Variants in CCDC69 observed in about 807,000 individuals in gnomAD.
CCDC69 encodes coiled-coil domain containing 69.
Under a neutral mutation model 40.3 loss-of-function variants are expected in CCDC69, and 38 were observed. The ratio of observed to expected loss-of-function variants is 0.94; its 90% CI spans 0.73 to 1.24. CCDC69 has a LOEUF of 1.24. Ranked by LOEUF, CCDC69 falls within the 50% of genes most tolerant of loss-of-function variation. CCDC69 has a pLI of 0.00. For missense variants in CCDC69, 389 were observed against 357.9 expected, an observed-to-expected ratio of 1.09 and a Z score of -0.70; for synonymous variants, 141 against 138.9, an observed-to-expected ratio of 1.02 and a Z score of -0.11.
At chr5:151,207,173 A>C (rs1299686287) in intron 1 of CCDC69, among the ~76,000 whole-genome samples, 1 of 151,316 alleles carries the variant, frequency 6.6e-6, no homozygotes, top group Non-Finnish European at 1.5e-5. Context: ...CCACCTTGGC[A>C]TCCCAAAGTG....
chr5:151,206,423 G>C (rs949585327), intron 1 of CCDC69, among the ~76,000 whole-genome samples: 3 of 152,102 alleles, frequency 2.0e-5, no homozygotes, highest in Non-Finnish European at 2.9e-5. Flanking sequence ...TGACATTCTA[G>C]TCCCTCTCCC....
At chr5:151,211,456 T>C (rs1163134442) in intron 1 of CCDC69, among the ~76,000 whole-genome samples, 2 of 152,048 alleles carry the variant, frequency 1.3e-5, no homozygotes, top group Non-Finnish European at 2.9e-5. Context: ...GAAAGCTTGC[T>C]TAACACGAAT....
chr5:151,187,426 G>T lies in CCDC69; in HGVS notation c.353C>A (p.Ala118Glu), dbSNP rs549592183. ...LRASYEQEKE[A>E]LTHSFREASS... The stretch of plus-strand genomic sequence containing the variant: ...GGCCTCCCGGAAAGAGTGGGTAAGC[G>T]CTTCTTTCTCCTGTTCATATGAGGC... The change falls in exon 5 of 9, where the codon GCG (alanine) becomes GAG (glutamate). Residue 118 changes from alanine to glutamate, a missense_variant. Coordinates refer to ENST00000355417, the MANE Select transcript of CCDC69 (RefSeq NM_015621.3). The T allele has an allele frequency of 4.3e-6, 7 of 1,614,050 alleles. No homozygotes were observed. The highest frequency in any genetic ancestry group is 3.3e-5 in the South Asian group (3 of 91,080).
chr5:151,213,819 T>G (rs981895641), intron 1 of CCDC69, among the ~76,000 whole-genome samples: 1 of 152,182 alleles, frequency 6.6e-6, no homozygotes, highest in African/African-American at 2.4e-5. Flanking sequence ...CTTAGAGAAT[T>G]TAGTAATTAA....
intron 1 of CCDC69, among the ~76,000 whole-genome samples, chr5:151,206,346 G>C (rs977823229): frequency 6.6e-6 from 1 of 151,994 alleles, no homozygotes; most frequent in Non-Finnish European, 1.5e-5. Context: ...CAATCCTCTC[G>C]GGTTTTTCAT....
At chr5:151,193,296 T>C (rs889143194) in intron 4 of CCDC69, among the ~76,000 whole-genome samples, 113 of 149,824 alleles carry the variant, frequency 7.5e-4, no homozygotes, top group Middle Eastern at 3.4e-3. Context: ...AGTGGTTCAT[T>C]TGAGTTTGAG....
At chr5:151,185,381 G>C in intron 7 of CCDC69, 41 bp downstream of exon 7, 1 of 1,610,162 alleles carries the variant, frequency 6.2e-7, no homozygotes, top group Non-Finnish European at 8.5e-7. Flanking sequence ...CAGAAAGCGG[G>C]AGCCTGAGGC....
At chr5:151,185,644 T>A in intron 6 of CCDC69, 103 bp from the exon 7 acceptor site, 1 of 1,204,158 alleles carries the variant, frequency 8.3e-7, no homozygotes, top group African/African-American at 1.5e-5. Context: ...CCCACCTTCC[T>A]CTCTCAGCCC....
At chr5:151,190,399 CTCACACTTGTAA>C in intron 4 of CCDC69, among the ~76,000 whole-genome samples, 1 of 152,240 alleles carries the variant, frequency 6.6e-6, no homozygotes, top group African/African-American at 2.4e-5. Flanking sequence ...GGCGTGGTGG[CTCACACTTGTAA>C]TCCCTGCATT....
chr5:151,203,749 C>T (rs1435509996), intron 2 of CCDC69, among the ~76,000 whole-genome samples: 1 of 129,894 alleles, frequency 7.7e-6, no homozygotes, highest in African/African-American at 2.9e-5. Context: ...ATAATATATA[C>T]TAATAAAATC....
chr5:151,219,645 CT>C (rs1208406196), intron 1 of CCDC69, among the ~76,000 whole-genome samples: 1 of 152,084 alleles, frequency 6.6e-6, no homozygotes, highest in Non-Finnish European at 1.5e-5. Flanking sequence ...GATAGTCATA[CT>C]CACATCTATA....
At chr5:151,193,063 T>C (rs1389908789) in intron 4 of CCDC69, among the ~76,000 whole-genome samples, 1 of 152,154 alleles carries the variant, frequency 6.6e-6, no homozygotes, top group South Asian at 2.1e-4. Flanking sequence ...AGGATGTACA[T>C]AGGTTATATG....
intron 1 of CCDC69, among the ~76,000 whole-genome samples, chr5:151,211,338 A>T (rs1400178588): frequency 6.6e-6 from 1 of 152,188 alleles, no homozygotes; most frequent in Non-Finnish European, 1.5e-5. Context: ...GGGCTCCTGA[A>T]GGACAGGATT....
intron 4 of CCDC69, among the ~76,000 whole-genome samples, chr5:151,188,998 G>T (rs749595982): frequency 6.6e-6 from 1 of 152,166 alleles, no homozygotes; most frequent in Non-Finnish European, 1.5e-5. Context: ...TATTTTAAAT[G>T]TCCAGGATAC....
intron 8 of CCDC69, 71 bp downstream of exon 8, chr5:151,184,273 A>G: frequency 8.6e-7 from 1 of 1,157,704 alleles, no homozygotes. Flanking sequence ...AGGCCCCTCT[A>G]AGACTCTCCC....
intron 7 of CCDC69, 29 bp downstream of exon 7, chr5:151,185,393 G>A: frequency 6.2e-7 from 1 of 1,611,696 alleles, no homozygotes; most frequent in Non-Finnish European, 8.5e-7. Context: ...GCCTGAGGCT[G>A]CATCCCCCAG....
rs559340708 is a variant in CCDC69, at chr5:151,200,594, G to T, written c.231+988C>A. On this transcript the variant is annotated intron_variant, in intron 3 of 8. Transcript: ENST00000355417. ...ATTCCCTCTGGTAAAGGAAGAAATG[G>T]AGGCAAAGAGAGGTGAAGGGTGAGT... Among the ~76,000 whole-genome samples the T allele has an allele frequency of 1.2e-4, 19 of 152,310 alleles. No individual in the cohort carries two copies. The East Asian group carries it at 2.5e-3, about 20-fold the overall frequency.
intron 1 of CCDC69, among the ~76,000 whole-genome samples, chr5:151,217,871 T>C (rs1210288994): frequency 6.6e-6 from 1 of 152,144 alleles, no homozygotes; most frequent in East Asian, 1.9e-4. Context: ...CTGAATCCAG[T>C]AAAGGTAACA....
chr5:151,216,919 A>G (rs1226604010), intron 1 of CCDC69, among the ~76,000 whole-genome samples: 1 of 152,154 alleles, frequency 6.6e-6, no homozygotes, highest in Non-Finnish European at 1.5e-5. Context: ...TGAATACCAG[A>G]GGTTGGGAAG....
Sources: gnomAD v4.1 joint callset for allele counts (sites outside exome capture counted in the v4.1 genomes callset) on GRCh38, gnomAD v4.1.1 for gene constraint, MANE v1.5 for transcripts, NCBI Gene and HGNC (gene_info 2026-07-23, HGNC 2026-07-21) for gene names.